The following CLUAP1 variants were observed in gnomAD, a reference collection of about 807,000 sequenced individuals.
CLUAP1 encodes intraflagellar transport 38.
In CLUAP1, 50 loss-of-function variants were observed where a neutral mutation model predicts 55.0. The observed-to-expected ratio is 0.91, with a 90% CI of 0.72 to 1.15. The LOEUF is 1.15. Ranked by LOEUF, CLUAP1 falls within the 50% of genes most tolerant of loss-of-function variation. The pLI, the probability that CLUAP1 is intolerant of heterozygous loss-of-function variation, is 0.00. For missense variants in CLUAP1, 530 were observed against 507.6 expected (o/e 1.04, Z -0.42); for synonymous variants, 195 against 175.4 (o/e 1.11, Z -0.88).
At chr16:3,514,682 G>C (rs1182755892) in intron 5 of CLUAP1, among the ~76,000 whole-genome samples, 1 of 152,204 alleles carries the variant, frequency 6.6e-6, no homozygotes, top group African/African-American at 2.4e-5. Context: ...TCTGGCGAGG[G>C]CTTGTTCCCC....
intron 8 of CLUAP1, among the ~76,000 whole-genome samples, chr16:3,524,371 G>C (rs2037898363): frequency 6.6e-6 from 1 of 151,720 alleles, no homozygotes; most frequent in Non-Finnish European, 1.5e-5. Flanking sequence ...GGAGGCCACA[G>C]CTGGTGGACC....
chr16:3,525,685 T>C lies in CLUAP1; in HGVS notation c.856-727T>C, dbSNP rs147280425. Among the ~76,000 whole-genome samples the C allele has an allele frequency of 4.7e-3, 711 of 152,122 alleles. 4 individuals are homozygous for C. Among genetic ancestry groups the C allele is most frequent in the African/African-American group, 0.016 (679 of 41,494 alleles). ...GCTCAAGCGATCCTCCCACCTCAGCTTCTTGAGTAGCTGGGACTATAGGCA... is the reference window on the plus strand; with the variant it reads ...GCTCAAGCGATCCTCCCACCTCAGCCTCTTGAGTAGCTGGGACTATAGGCA... On this transcript the variant is annotated intron_variant, in intron 8 of 11. Coordinates refer to ENST00000576634, the MANE Select transcript of CLUAP1 (RefSeq NM_015041.3).
chr16:3,528,199 TC>T (rs2037984635), intron 9 of CLUAP1, among the ~76,000 whole-genome samples: 2 of 152,110 alleles, frequency 1.3e-5, no homozygotes, highest in South Asian at 4.1e-4. Context: ...TGCACGGAGT[TC>T]CTCCTCCTCT....
intron 9 of CLUAP1, among the ~76,000 whole-genome samples, chr16:3,529,714 A>ATT (rs1491217969): frequency 3.1e-4 from 11 of 35,828 alleles, no homozygotes; most frequent in African/African-American, 1.6e-3. Context: ...TATATTATAT[A>ATT]ATATTATATA....
chr16:3,531,845 T>C (rs1011371366), intron 10 of CLUAP1, among the ~76,000 whole-genome samples: 1 of 151,128 alleles, frequency 6.6e-6, no homozygotes, highest in African/African-American at 2.4e-5. Context: ...CCCCTAATTT[T>C]TTTTTTTTTT....
chr16:3,530,744 G>C, intron 10 of CLUAP1, 69 bp downstream of exon 10: 1 of 1,264,980 alleles, frequency 7.9e-7, no homozygotes, highest in Non-Finnish European at 1.1e-6. Context: ...CCAGGACTGG[G>C]GCAGGCTGCT....
At chr16:3,506,531 T>A (rs189240605) in intron 3 of CLUAP1, 116 bp downstream of exon 3, 1 of 825,604 alleles carries the variant, frequency 1.2e-6, no homozygotes. Flanking sequence ...TTTTTTGAGA[T>A]GGAGTCTCAT....
intron 8 of CLUAP1, among the ~76,000 whole-genome samples, chr16:3,525,579 A>G (rs77873156): frequency 0.013 from 1,920 of 151,402 alleles, 42 homozygotes; most frequent in African/African-American, 0.043. Context: ...CTCTTTCTCA[A>G]CGGGGTCTCA....
upstream of CLUAP1, chr16:3,496,111 A>C: frequency 2.7e-6 from 1 of 374,360 alleles, no homozygotes; most frequent in South Asian, 2.1e-5. Flanking sequence ...ACTGCACTCC[A>C]GCCTGGGCTG....
upstream of CLUAP1, among the ~76,000 whole-genome samples, chr16:3,498,814 C>G (rs1003755084): frequency 1.3e-5 from 2 of 151,790 alleles, no homozygotes; most frequent in African/African-American, 4.8e-5. Context: ...GAGCCGAGAT[C>G]GCACCACTGG....
At position 3,536,169 on chromosome 16, in the gene CLUAP1, G is replaced by A; in HGVS notation, c.1140G>A (p.Glu380=). The part of the protein sequence containing the change: ...SEIDMEDDDD[E]DDDLEDESIS... ...TTGACATGGAAGATGATGATGACGA[G>A]GATGACGATTTGGAAGACGAGAGCA... Residue 380 remains glutamate (E), a synonymous_variant, in exon 12 of 12, where the codon GAG becomes GAA. Transcript: ENST00000576634. 3.1e-6 allele frequency: 5 copies of A among 1,614,134 alleles called. No homozygotes were observed. Among genetic ancestry groups the A allele is most frequent in the Non-Finnish European group, 4.2e-6 (5 of 1,180,010 alleles).
At chr16:3,521,196 C>T (rs554449029) in intron 7 of CLUAP1, among the ~76,000 whole-genome samples, 3 of 151,978 alleles carry the variant, frequency 2.0e-5, no homozygotes, top group Non-Finnish European at 2.9e-5. Context: ...AAGTCATTGC[C>T]GCCATATAGA....
upstream of CLUAP1, among the ~76,000 whole-genome samples, chr16:3,498,626 T>C (rs1220324157): frequency 3.3e-5 from 5 of 152,002 alleles, no homozygotes; most frequent in East Asian, 1.9e-4. Context: ...CTGGCCAACA[T>C]AGGCGGGCGG....
At position 3,507,717 on chromosome 16, in the gene CLUAP1, T is replaced by C. The variant is rs978405445; in HGVS notation, c.220-572T>C. Among the ~76,000 whole-genome samples, 457 of 146,332 alleles carry C rather than the reference T, an allele frequency of 3.1e-3. 5 individuals carry two copies. Among genetic ancestry groups the C allele is most frequent in the African/African-American group, 0.011 (427 of 40,114 alleles). ...GTGTGTGTGTGTGTGTGTGTGTGTG[T>C]GCAAATAAAAATATATATTTTTCCT... is the stretch of plus-strand genomic sequence containing the variant. On this transcript the variant is annotated intron_variant, in intron 3 of 11. Transcript: ENST00000576634.
chr16:3,514,320 A>T (rs1055186479), intron 5 of CLUAP1, among the ~76,000 whole-genome samples: 1 of 152,214 alleles, frequency 6.6e-6, no homozygotes, highest in Non-Finnish European at 1.5e-5. Context: ...TGAATGTAGT[A>T]CTTGTCAAAT....
chr16:3,508,164 C>T (rs574389838), intron 3 of CLUAP1, 125 bp from the exon 4 acceptor site: 1 of 764,912 alleles, frequency 1.3e-6, no homozygotes, highest in South Asian at 1.8e-5. Context: ...CACTTGAATG[C>T]TTTGCTTTTA....
intron 8 of CLUAP1, among the ~76,000 whole-genome samples, chr16:3,523,736 G>A (rs1036570108): frequency 3.9e-5 from 6 of 152,250 alleles, no homozygotes; most frequent in Non-Finnish European, 7.4e-5. Context: ...AGGCCAAGAC[G>A]AGCGGATCAC....
intron 6 of CLUAP1, among the ~76,000 whole-genome samples, chr16:3,517,952 G>C (rs1242822896): frequency 6.6e-6 from 1 of 152,200 alleles, no homozygotes; most frequent in East Asian, 1.9e-4. Flanking sequence ...GCTCCTATCT[G>C]CTGTTGGGGA....
At chr16:3,531,907 T>C (rs1212630249) in intron 10 of CLUAP1, among the ~76,000 whole-genome samples, 8 of 151,938 alleles carry the variant, frequency 5.3e-5, no homozygotes, top group Non-Finnish European at 1.0e-4. Flanking sequence ...TGCAATGGCA[T>C]GATCTTGGCT....
Sources: gnomAD v4.1 joint callset for allele counts (sites outside exome capture counted in the v4.1 genomes callset) on GRCh38, gnomAD v4.1.1 for gene constraint, MANE v1.5 for transcripts, NCBI Gene and HGNC (gene_info 2026-07-23, HGNC 2026-07-21) for gene names.